LRCH1: variants seen among roughly 807,000 people sequenced by gnomAD.
The protein encoded by LRCH1 is leucine-rich repeat and calponin homology domain-containing protein 1.
LRCH1 carries 23 observed loss-of-function variants against 94.9 expected under a neutral mutation model. The observed-to-expected ratio is 0.24, with a 90% CI of 0.17 to 0.34. LRCH1 has a LOEUF of 0.34. Among genes scored for constraint, LRCH1 ranks in the 10% least tolerant of loss-of-function variants. The probability of loss-of-function intolerance (pLI) is 1.00; values close to 1 mark genes in which losing one functional copy is unlikely to be tolerated. For missense variants in LRCH1, 790 were observed against 945.9 expected, an observed-to-expected ratio of 0.84 and a Z score of 2.16; for synonymous variants, 364 against 354.9, an observed-to-expected ratio of 1.03 and a Z score of -0.29.
chr13:46,740,313 A>G (rs895024360), intron 19 of LRCH1, among the ~76,000 whole-genome samples: 2 of 152,248 alleles, frequency 1.3e-5, no homozygotes, highest in Middle Eastern at 3.2e-3. Context: ...TACATATAAC[A>G]TGATTTATTC....
chr13:46,561,668 T>A (rs1013725983), intron 1 of LRCH1, among the ~76,000 whole-genome samples: 2 of 152,222 alleles, frequency 1.3e-5, no homozygotes, highest in Non-Finnish European at 1.5e-5. Flanking sequence ...CTGCAGGCAA[T>A]GGTGGCAATT....
chr13:46,650,057 A>G (rs2051272532), intron 1 of LRCH1, 144 bp from the exon 2 acceptor site: 1 of 468,612 alleles, frequency 2.1e-6, no homozygotes, highest in Non-Finnish European at 3.6e-6. Flanking sequence ...TAGAAATCAC[A>G]GTGCTGTAGT....
chr13:46,738,177 C>A (rs1378736402), intron 19 of LRCH1, among the ~76,000 whole-genome samples: 2 of 152,204 alleles, frequency 1.3e-5, no homozygotes, highest in Non-Finnish European at 2.9e-5. Context: ...TGGTAGCCTC[C>A]TTTCAGCTTA....
At chr13:46,715,802 A>C in intron 16 of LRCH1, 138 bp downstream of exon 16, 1 of 612,488 alleles carries the variant, frequency 1.6e-6, no homozygotes. Context: ...AAGCCTGGAA[A>C]GTGAAGTCCA....
chr13:46,614,889 A>G (rs1354748736), intron 1 of LRCH1, among the ~76,000 whole-genome samples: 2 of 152,210 alleles, frequency 1.3e-5, no homozygotes, highest in Admixed American at 6.5e-5. Context: ...ATTATAATGT[A>G]GAAAACCATT....
intron 1 of LRCH1, among the ~76,000 whole-genome samples, chr13:46,625,692 T>G (rs2050940234): frequency 6.6e-6 from 1 of 151,046 alleles, no homozygotes; most frequent in Non-Finnish European, 1.5e-5. Flanking sequence ...CTCTCTCTGT[T>G]GCCTGGGCTG....
At chr13:46,652,912 A>G (rs927579296) in intron 2 of LRCH1, among the ~76,000 whole-genome samples, 8 of 152,236 alleles carry the variant, frequency 5.3e-5, no homozygotes, top group Non-Finnish European at 1.0e-4. Flanking sequence ...CTTAAAATGT[A>G]TATTATATTT....
chr13:46,624,645 G>A (rs1476165334), intron 1 of LRCH1, among the ~76,000 whole-genome samples: 2 of 152,198 alleles, frequency 1.3e-5, no homozygotes, highest in Non-Finnish European at 2.9e-5. Flanking sequence ...AATGTCCTGA[G>A]ATGGGGGGAA....
At chr13:46,573,817 T>C (rs1432935797) in intron 1 of LRCH1, among the ~76,000 whole-genome samples, 1 of 138,330 alleles carries the variant, frequency 7.2e-6, no homozygotes, top group Admixed American at 7.8e-5. Flanking sequence ...ATCTAGTATA[T>C]GATAGCACAA....
At position 46,612,130 on chromosome 13, in the gene LRCH1, G is replaced by T. The variant is rs139534787; in HGVS notation, c.308-38071G>T. Among the ~76,000 whole-genome samples the T allele has an allele frequency of 2.5e-3, 388 of 152,240 alleles. 4 individuals are homozygous for T. The highest frequency in any genetic ancestry group is 8.8e-3 in the African/African-American group (366 of 41,562). ...TAAACAATATAAATGAACTTTATTG[G>T]TTAATAGGTGCAGCAAACCACCATG... On this transcript the variant is annotated intron_variant, in intron 1 of 19. Coordinates refer to ENST00000389797, the MANE Select transcript of LRCH1 (RefSeq NM_001164211.2).
At chr13:46,570,471 G>A (rs1482360441) in intron 1 of LRCH1, among the ~76,000 whole-genome samples, 2 of 152,202 alleles carry the variant, frequency 1.3e-5, no homozygotes, top group East Asian at 3.8e-4. Flanking sequence ...CAAGGTCACA[G>A]CGCTGATTAG....
intron 1 of LRCH1, among the ~76,000 whole-genome samples, chr13:46,645,176 A>G (rs1258503461): frequency 6.6e-6 from 1 of 152,232 alleles, no homozygotes; most frequent in African/African-American, 2.4e-5. Flanking sequence ...TAATTAGTGC[A>G]ATATTCTAGC....
chr13:46,671,196 G>T (rs969693955), intron 3 of LRCH1, among the ~76,000 whole-genome samples: 1 of 152,138 alleles, frequency 6.6e-6, no homozygotes, highest in African/African-American at 2.4e-5. Context: ...TCCTTTCTTG[G>T]TTAGTTCTTA....
At position 46,715,543 on chromosome 13, in the gene LRCH1, C is replaced by G; in HGVS notation, c.1655-17C>G. 6.7e-7 allele frequency: 1 copy of G among 1,484,664 alleles called. No homozygotes were observed. The highest frequency in any genetic ancestry group is 9.1e-7 in the Non-Finnish European group (1 of 1,098,986). 92.0% of individuals were successfully genotyped at this position (1,484,664 alleles called of 1,614,324 possible). A position where few individuals can be genotyped will look rare whatever the true frequency, so the allele number is the denominator to read the frequency against. ...TTGTGCAACTGTACGCGGACTGGCTCTCTGGCTCCCCTGCAGACCCAGCCC... is the reference window on the plus strand; with the variant it reads ...TTGTGCAACTGTACGCGGACTGGCTGTCTGGCTCCCCTGCAGACCCAGCCC... On this transcript the variant is annotated splice_polypyrimidine_tract_variant and intron_variant, in intron 15 of 19. Coordinates refer to ENST00000389797, the MANE Select transcript of LRCH1 (RefSeq NM_001164211.2).
intron 1 of LRCH1, among the ~76,000 whole-genome samples, chr13:46,609,379 C>G (rs2050722483): frequency 6.6e-6 from 1 of 152,094 alleles, no homozygotes; most frequent in Admixed American, 6.5e-5. Context: ...GCTTGTGTAC[C>G]ACTCGTATCC....
chr13:46,632,498 CAG>C lies in LRCH1; in HGVS notation c.308-17702_308-17701del, dbSNP rs1594301110. ...TCCACTTTAGCATGAGACTAATATA[CAG>C]TTTGAACTTCAGGGGAGAAAAGAAG... On this transcript the variant is annotated intron_variant, in intron 1 of 19. Coordinates refer to ENST00000389797, the MANE Select transcript of LRCH1 (RefSeq NM_001164211.2). Among the ~76,000 whole-genome samples the C allele has an allele frequency of 5.3e-5, 8 of 152,260 alleles. No individual in the cohort carries two copies. In the East Asian group the frequency reaches 1.5e-3, roughly 29 times the overall value.
intron 1 of LRCH1, among the ~76,000 whole-genome samples, chr13:46,635,154 C>T (rs780469322): frequency 1.3e-5 from 2 of 152,212 alleles, no homozygotes; most frequent in African/African-American, 2.4e-5. Flanking sequence ...GCCTTACTTT[C>T]AATTCATATC....
intron 1 of LRCH1, among the ~76,000 whole-genome samples, chr13:46,637,726 A>T (rs1467605): frequency 1.3e-5 from 2 of 151,410 alleles, no homozygotes. Flanking sequence ...TTTTTTTCTT[A>T]TTATTTTTCT....
At chr13:46,722,774 A>T (rs551137057) in intron 16 of LRCH1, among the ~76,000 whole-genome samples, 3 of 152,262 alleles carry the variant, frequency 2.0e-5, no homozygotes, top group Non-Finnish European at 2.9e-5. Context: ...CTTACAAAAA[A>T]CTTTATGCCA....
Sources: allele counts gnomAD v4.1 joint callset (sites outside exome capture counted in the v4.1 genomes callset), GRCh38; gene constraint gnomAD v4.1.1; transcripts MANE v1.5; gene names NCBI Gene and HGNC (gene_info 2026-07-23, HGNC 2026-07-21).